FANCD2: variants seen among roughly 807,000 people sequenced by gnomAD.
FANCD2 encodes the protein FA complementation group D2.
A neutral mutation model predicts 192.3 loss-of-function variants in FANCD2; 131 were observed. The observed-to-expected ratio is 0.68, with a 90% CI of 0.59 to 0.79. The LOEUF (loss-of-function observed/expected upper bound fraction) is 0.79, where lower values mean the gene tolerates loss of function less well. Ranked by LOEUF, FANCD2 falls within the 30% of genes least tolerant of loss-of-function variation. FANCD2 has a pLI of 0.00. For synonymous variants in FANCD2, 524 were observed against 612.5 expected, an observed-to-expected ratio of 0.86 and a Z score of 2.13; for missense variants, 1,508 against 1,701.6, an observed-to-expected ratio of 0.89 and a Z score of 2.00.
intron 18 of FANCD2, among the ~76,000 whole-genome samples, chr3:10,054,446 CATATATATATATATAT>C (rs1319690526): frequency 2.7e-5 from 1 of 36,480 alleles, no homozygotes; most frequent in African/African-American, 1.3e-4. Context: ...CATGTATATA[CATATATATATATATAT>C]ATATATATAT....
chr3:10,062,260 T>TA, intron 20 of FANCD2, 49 bp downstream of exon 20: 2 of 1,469,992 alleles, frequency 1.4e-6, no homozygotes, highest in Non-Finnish European at 1.9e-6. Context: ...TTTTTTTTTT[T>TA]TAGAGAGTCT....
At chr3:10,042,037 A>G (rs1427597191) in intron 10 of FANCD2, among the ~76,000 whole-genome samples, 1 of 152,010 alleles carries the variant, frequency 6.6e-6, no homozygotes, top group African/African-American at 2.4e-5. Flanking sequence ...AGCTGGGGTT[A>G]CAGGCACCTG....
chr3:10,037,227 A>G (rs1212926658), intron 7 of FANCD2, among the ~76,000 whole-genome samples: 3 of 152,210 alleles, frequency 2.0e-5, no homozygotes, highest in Non-Finnish European at 4.4e-5. Flanking sequence ...ATACAAGAAC[A>G]TCAAATATTT....
At chr3:10,064,971 C>G in intron 23 of FANCD2, 96 bp downstream of exon 23, 3 of 1,336,218 alleles carry the variant, frequency 2.2e-6, no homozygotes. Context: ...AAAAAAGTTT[C>G]TCTCGAGACA....
rs2086813284 is a variant in FANCD2 at position 10,039,605 on chromosome 3, A to G, written c.571-116A>G. On this transcript the variant is annotated intron_variant, in intron 8 of 43. Coordinates refer to ENST00000675286, the MANE Select transcript of FANCD2 (RefSeq NM_001018115.3). ...TTGGGAAGATTCTTTTTCAAAGTAC[A>G]GAGATAAATGACTGTGTTTATTTCT... 3.4e-6 allele frequency: 4 copies of G among 1,171,532 alleles called. No individual in the cohort carries two copies. In the Admixed American group the frequency reaches 5.9e-5, roughly 17 times the overall value. 72.6% of individuals were successfully genotyped at this position (1,171,532 alleles called of 1,614,324 possible).
At position 10,049,062 on chromosome 3, in the gene FANCD2, C is replaced by T. The variant is rs546420685; in HGVS notation, c.1414-312C>T. Among the ~76,000 whole-genome samples the T allele has an allele frequency of 9.9e-5, 15 of 151,978 alleles. No individual in the cohort carries two copies. In the South Asian group the frequency reaches 2.5e-3, roughly 25 times the overall value. On this transcript the variant is annotated intron_variant, in intron 16 of 43. Coordinates refer to ENST00000675286, the MANE Select transcript of FANCD2 (RefSeq NM_001018115.3). ...TTCAACTGATCTTGTACAACCTCAA[C>T]CTAAAGGGTAAAATTTAACCCATAT...
In FANCD2 at chr3:10,062,178, G is replaced by A; in HGVS notation, c.1794G>A (p.Glu598=). Residue 598 remains glutamate, a synonymous_variant, in exon 20 of 44, where the codon GAG becomes GAA. Coordinates refer to ENST00000675286, the MANE Select transcript of FANCD2 (RefSeq NM_001018115.3). Reference sequence around the variant, plus strand: ...GTGAATCACCTAGTTTGACCCAAGAGAGAGCCAACCTGAGCGATGAGCAGT... The same window carrying A: ...GTGAATCACCTAGTTTGACCCAAGAAAGAGCCAACCTGAGCGATGAGCAGT... ...DRSESPSLTQ[E]RANLSDEQCT... 1.2e-6 allele frequency: 2 copies of A among 1,612,918 alleles called. No homozygotes were observed. Among genetic ancestry groups the A allele is most frequent in the Non-Finnish European group, 1.7e-6 (2 of 1,179,600 alleles).
chr3:10,094,957 C>T (rs979294336), intron 40 of FANCD2: 5 of 529,300 alleles, frequency 9.4e-6, no homozygotes, highest in South Asian at 8.6e-5. Context: ...GACATGGTAA[C>T]CTATGTAAAA....
chr3:10,075,956 C>A (rs1693517093), intron 29 of FANCD2, among the ~76,000 whole-genome samples: 1 of 151,644 alleles, frequency 6.6e-6, no homozygotes, highest in Non-Finnish European at 1.5e-5. Flanking sequence ...TGGTCTCGAT[C>A]TCCTGACCTC....
intron 39 of FANCD2, among the ~76,000 whole-genome samples, chr3:10,093,724 A>G (rs778028392): frequency 4.6e-5 from 7 of 152,182 alleles, no homozygotes; most frequent in Non-Finnish European, 1.0e-4. Flanking sequence ...TTTTGTGGGA[A>G]TAGCCTGTAT....
rs1319880769 is a variant in FANCD2, at chr3:10,101,286, T to C, written c.*24T>C. 1 of 1,540,670 alleles carries C rather than the reference T, an allele frequency of 6.5e-7. No individual in the cohort carries two copies. Among genetic ancestry groups the C allele is most frequent in the Non-Finnish European group, 9.0e-7 (1 of 1,112,290 alleles). On this transcript the variant is annotated 3_prime_UTR_variant, in exon 44 of 44. Transcript: ENST00000675286. ...AGACCCCAGATAAATTGTTGCCTGC[T>C]TCTGTGTCTCTGCCAGCCTGTGATC...
intron 32 of FANCD2, among the ~76,000 whole-genome samples, chr3:10,085,065 C>CTCAT (rs1036162815): frequency 6.6e-6 from 1 of 152,144 alleles, no homozygotes; most frequent in Non-Finnish European, 1.5e-5. Context: ...CAAGACTTGA[C>CTCAT]TCATTAATGT....
chr3:10,067,348 A>G (rs748026680), intron 26 of FANCD2, 31 bp downstream of exon 26: 1 of 1,299,506 alleles, frequency 7.7e-7, no homozygotes, highest in Non-Finnish European at 1.1e-6. Flanking sequence ...TGGTAGTACT[A>G]CTAGGCCAGT....
At chr3:10,028,989 A>G (rs1020979186) in intron 2 of FANCD2, among the ~76,000 whole-genome samples, 2 of 152,248 alleles carry the variant, frequency 1.3e-5, no homozygotes, top group African/African-American at 4.8e-5. Flanking sequence ...TACATCATTT[A>G]GGTGTTGAGA....
At chr3:10,082,052 T>C (rs552948635) in intron 32 of FANCD2, among the ~76,000 whole-genome samples, 1 of 152,330 alleles carries the variant, frequency 6.6e-6, no homozygotes, top group East Asian at 1.9e-4. Flanking sequence ...TAGGCATTTA[T>C]ATCCAACTGC....
At chr3:10,034,615 T>C (rs2086685426) in intron 4 of FANCD2, 79 bp downstream of exon 4, 1 of 1,494,842 alleles carries the variant, frequency 6.7e-7, no homozygotes, top group South Asian at 1.1e-5. Flanking sequence ...TGGTATAAAG[T>C]TGAGTGGGCT....
chr3:10,053,383 G>T (rs1008311861), intron 18 of FANCD2, among the ~76,000 whole-genome samples: 23 of 150,788 alleles, frequency 1.5e-4, no homozygotes, highest in African/African-American at 4.2e-4. Context: ...TTTGTGGGGT[G>T]GGGGGAGGCG....
chr3:10,059,685 A>T (rs1425362636), intron 18 of FANCD2, among the ~76,000 whole-genome samples: 1 of 152,086 alleles, frequency 6.6e-6, no homozygotes, highest in Non-Finnish European at 1.5e-5. Context: ...GGGCACCTGT[A>T]GTCCCAGCTA....
At chr3:10,034,600 G>T (rs2086685051) in intron 4 of FANCD2, 64 bp downstream of exon 4, 1 of 1,504,184 alleles carries the variant, frequency 6.6e-7, no homozygotes. Flanking sequence ...GGAATTTAAG[G>T]ACACTGGTAT....
Sources: allele counts gnomAD v4.1 joint callset (sites outside exome capture counted in the v4.1 genomes callset), GRCh38; gene constraint gnomAD v4.1.1; transcripts MANE v1.5; gene names NCBI Gene and HGNC (gene_info 2026-07-23, HGNC 2026-07-21).